The following ARL15 variants were observed in gnomAD, a reference collection of about 807,000 sequenced individuals.
The protein encoded by ARL15 is ADP-ribosylation factor-like protein 15.
A neutral mutation model predicts 25.2 loss-of-function variants in ARL15; 19 were observed. That is an observed-to-expected ratio of 0.75 (90% CI 0.53 to 1.10). The LOEUF (loss-of-function observed/expected upper bound fraction) is 1.10. Among genes scored for constraint, ARL15 ranks in the 50% least tolerant of loss-of-function variants. The pLI is 0.00. For missense variants in ARL15, 220 were observed against 246.0 expected (o/e 0.89, Z 0.71); for synonymous variants, 94 against 86.8 (o/e 1.08, Z -0.46).
At chr5:54,047,896 C>A (rs957580116) in intron 4 of ARL15, 1 of 152,072 alleles carries the variant, frequency 6.6e-6, no homozygotes, top group African/African-American at 2.4e-5. Context: ...TGATGATTTC[C>A]AAATTTACCC....
chr5:54,302,705 TTTTTTTTC>T (rs1280577929), intron 1 of ARL15, among the ~76,000 whole-genome samples: 1 of 140,576 alleles, frequency 7.1e-6, no homozygotes, highest in African/African-American at 2.9e-5. Context: ...TTTTTTTTTT[TTTTTTTTC>T]CAGGATGGGG....
intron 4 of ARL15, among the ~76,000 whole-genome samples, chr5:54,006,477 T>A (rs1749050008): frequency 6.6e-6 from 1 of 152,096 alleles, no homozygotes; most frequent in Non-Finnish European, 1.5e-5. Context: ...ATTGATTTTT[T>A]TTTTTAACAT....
chr5:54,172,286 T>C (rs1367494129), intron 1 of ARL15, among the ~76,000 whole-genome samples: 3 of 152,154 alleles, frequency 2.0e-5, no homozygotes, highest in Middle Eastern at 3.2e-3. Flanking sequence ...ATAAGGCAAC[T>C]GGCCTGTTCT....
intron 2 of ARL15, among the ~76,000 whole-genome samples, chr5:54,161,061 A>C (rs1296194500): frequency 1.3e-5 from 2 of 152,126 alleles, no homozygotes; most frequent in African/African-American, 4.8e-5. Context: ...TCCATGGTTT[A>C]AATTCAAAAA....
At chr5:54,011,156 A>G (rs1749230325) in intron 4 of ARL15, among the ~76,000 whole-genome samples, 1 of 152,180 alleles carries the variant, frequency 6.6e-6, no homozygotes, top group Non-Finnish European at 1.5e-5. Flanking sequence ...AAGTCTCTAG[A>G]GTGAAAATAA....
chr5:54,036,009 A>G (rs1297661797), intron 4 of ARL15, among the ~76,000 whole-genome samples: 2 of 152,104 alleles, frequency 1.3e-5, no homozygotes, highest in Non-Finnish European at 2.9e-5. Flanking sequence ...AAAACTCAGC[A>G]TGGTGGTGCA....
intron 4 of ARL15, among the ~76,000 whole-genome samples, chr5:53,994,434 A>G (rs992613010): frequency 6.6e-6 from 1 of 152,258 alleles, no homozygotes; most frequent in South Asian, 2.1e-4. Flanking sequence ...TGTCAGTTAC[A>G]TAATTACATG....
chr5:54,056,228 T>G (rs1251465421), intron 4 of ARL15, among the ~76,000 whole-genome samples: 2 of 152,134 alleles, frequency 1.3e-5, no homozygotes, highest in African/African-American at 2.4e-5. Context: ...GGTTACTGAA[T>G]TTAATAAGTT....
chr5:53,884,666 A>G lies in ARL15; in HGVS notation c.*1895T>C, dbSNP rs1411495353. On this transcript the variant is annotated 3_prime_UTR_variant, in exon 5 of 5. Coordinates refer to ENST00000504924, the MANE Select transcript of ARL15 (RefSeq NM_019087.3). Reference sequence around the variant, plus strand: ...GAGGAGAGGCCCATCACTGGCGCACACATGAACACACACACGCAGACCACG... The same window carrying G: ...GAGGAGAGGCCCATCACTGGCGCACGCATGAACACACACACGCAGACCACG... 1.3e-5 allele frequency: 2 copies of G among 152,194 alleles called. No individual in the cohort carries two copies. Among genetic ancestry groups the G allele is most frequent in the Non-Finnish European group, 2.9e-5 (2 of 68,032 alleles). 9.4% of individuals were successfully genotyped at this position (152,194 alleles called of 1,614,324 possible). A position where few individuals can be genotyped will look rare whatever the true frequency, so the allele number is the denominator to read the frequency against.
chr5:54,208,816 C>T (rs1361815281), intron 1 of ARL15, among the ~76,000 whole-genome samples: 5 of 152,134 alleles, frequency 3.3e-5, no homozygotes, highest in East Asian at 1.9e-4. Flanking sequence ...CCCCCAGTGA[C>T]GACAGCCATG....
intron 1 of ARL15, among the ~76,000 whole-genome samples, chr5:54,178,724 G>A (rs945140951): frequency 1.3e-5 from 2 of 152,340 alleles, no homozygotes; most frequent in South Asian, 2.1e-4. Context: ...CTAACACTAA[G>A]CGTTGCTCAA....
chr5:54,122,674 CTCT>C (rs917305627), intron 3 of ARL15, among the ~76,000 whole-genome samples: 2 of 152,226 alleles, frequency 1.3e-5, no homozygotes, highest in African/African-American at 4.8e-5. Context: ...TAGGCAAGTA[CTCT>C]TCTTTTTTTC....
intron 4 of ARL15, among the ~76,000 whole-genome samples, chr5:54,071,834 A>G (rs570764096): frequency 6.6e-6 from 1 of 152,008 alleles, no homozygotes; most frequent in Non-Finnish European, 1.5e-5. Context: ...TTAGCCAGGC[A>G]TGGTGCTGGG....
intron 1 of ARL15, among the ~76,000 whole-genome samples, chr5:54,228,747 G>A (rs992631836): frequency 6.6e-6 from 1 of 151,998 alleles, no homozygotes; most frequent in Admixed American, 6.6e-5. Flanking sequence ...TGAATTTCAG[G>A]AATCAGGAAG....
intron 1 of ARL15, among the ~76,000 whole-genome samples, chr5:54,307,451 A>C (rs1413436245): frequency 2.0e-5 from 3 of 152,178 alleles, no homozygotes; most frequent in Non-Finnish European, 4.4e-5. Flanking sequence ...TGATACATCT[A>C]ATTGATTAGG....
intron 4 of ARL15, among the ~76,000 whole-genome samples, chr5:53,910,001 T>C (rs1745400778): frequency 6.6e-6 from 1 of 152,316 alleles, no homozygotes; most frequent in East Asian, 1.9e-4. Flanking sequence ...TCTAAGCACT[T>C]TGGGGATTTA....
At chr5:54,008,831 G>A (rs977753231) in intron 4 of ARL15, among the ~76,000 whole-genome samples, 1 of 151,974 alleles carries the variant, frequency 6.6e-6, no homozygotes, top group Non-Finnish European at 1.5e-5. Flanking sequence ...TAATACTTAC[G>A]TTAATAAGAT....
intron 1 of ARL15, among the ~76,000 whole-genome samples, chr5:54,281,047 CA>C (rs1481443201): frequency 2.0e-5 from 3 of 151,054 alleles, no homozygotes; most frequent in Non-Finnish European, 4.4e-5. Flanking sequence ...TATTTACATA[CA>C]AAAAGTATAT....
At chr5:53,965,336 C>G (rs1467888466) in intron 4 of ARL15, among the ~76,000 whole-genome samples, 2 of 152,156 alleles carry the variant, frequency 1.3e-5, no homozygotes, top group Non-Finnish European at 2.9e-5. Flanking sequence ...TGAAGCTCTG[C>G]AACTCATAGT....
Sources: gnomAD v4.1 joint callset for allele counts (sites outside exome capture counted in the v4.1 genomes callset) on GRCh38, gnomAD v4.1.1 for gene constraint, MANE v1.5 for transcripts, NCBI Gene and HGNC (gene_info 2026-07-23, HGNC 2026-07-21) for gene names.